The following YY1 variants were observed in gnomAD, a reference collection of about 807,000 sequenced individuals.
YY1 encodes transcriptional repressor protein YY1.
Under a neutral mutation model 35.6 loss-of-function variants are expected in YY1, and 2 were observed. That is an observed-to-expected ratio of 0.06 (90% CI 0.02 to 0.18). The LOEUF is 0.18. Among genes scored for constraint, YY1 ranks in the 10% least tolerant of loss-of-function variants. The probability of loss-of-function intolerance (pLI) is 1.00; values close to 1 mark genes in which losing one functional copy is unlikely to be tolerated. For missense variants in YY1, 322 were observed against 573.4 expected (o/e 0.56, Z 4.48); for synonymous variants, 268 against 238.9 (o/e 1.12, Z -1.12).
chr14:100,242,970 T>A (rs1179018313), intron 1 of YY1, among the ~76,000 whole-genome samples: 1 of 152,186 alleles, frequency 6.6e-6, no homozygotes, highest in Non-Finnish European at 1.5e-5. Flanking sequence ...GAGTACGCTG[T>A]GCATAAGGGT....
intron 1 of YY1, among the ~76,000 whole-genome samples, chr14:100,247,339 A>G (rs1890848390): frequency 6.7e-6 from 1 of 149,848 alleles, no homozygotes; most frequent in Non-Finnish European, 1.5e-5. Flanking sequence ...TGCTCTTACT[A>G]CTTCCAATAG....
At chr14:100,253,469 G>A (rs1220935490) in intron 1 of YY1, among the ~76,000 whole-genome samples, 3 of 152,214 alleles carry the variant, frequency 2.0e-5, no homozygotes, top group Non-Finnish European at 4.4e-5. Flanking sequence ...CCAGCCTGGA[G>A]TGCAGTGGCG....
intron 1 of YY1, among the ~76,000 whole-genome samples, chr14:100,260,014 AT>A (rs145015945): frequency 6.6e-6 from 1 of 152,182 alleles, no homozygotes; most frequent in South Asian, 2.1e-4. Context: ...TACTACAGTC[AT>A]TTAGGTTTGA....
chr14:100,243,402 C>T (rs930046454), intron 1 of YY1, among the ~76,000 whole-genome samples: 1 of 152,118 alleles, frequency 6.6e-6, no homozygotes, highest in African/African-American at 2.4e-5. Flanking sequence ...TTGCATAAGC[C>T]CCAAGCTGAG....
chr14:100,259,717 A>G (rs1012180814), intron 1 of YY1, among the ~76,000 whole-genome samples: 1 of 152,182 alleles, frequency 6.6e-6, no homozygotes, highest in African/African-American at 2.4e-5. Context: ...AGAGAGAGCA[A>G]AACTCACACT....
In YY1 at chr14:100,278,592, T is replaced by G. The variant is rs914375879; in HGVS notation, c.*992T>G. On this transcript the variant is annotated 3_prime_UTR_variant, in exon 5 of 5. Transcript: ENST00000262238. ...TAAAGCAACTCAAGTTTCCTTTATT[T>G]TGCACTCAATTACAGTGATTATTGA... is the stretch of plus-strand genomic sequence containing the variant. The G allele has an allele frequency of 1.3e-5, 2 of 152,260 alleles. No homozygotes were observed. Among genetic ancestry groups the G allele is most frequent in the Non-Finnish European group, 2.9e-5 (2 of 68,040 alleles). The allele number at this position is 152,260 out of a possible 1,614,324, so 9.4% of individuals were successfully genotyped here.
chr14:100,248,401 C>T (rs1890868536), intron 1 of YY1, among the ~76,000 whole-genome samples: 2 of 152,086 alleles, frequency 1.3e-5, no homozygotes, highest in South Asian at 4.1e-4. Flanking sequence ...GGATTATAGG[C>T]ATGAGCTACT....
rs1891438834 is a variant in YY1 at position 100,281,878 on chromosome 14, G to T, written c.*4278G>T. 6.6e-6 allele frequency: 1 copy of T among 152,212 alleles called. No individual in the cohort carries two copies. Among genetic ancestry groups the T allele is most frequent in the Non-Finnish European group, 1.5e-5 (1 of 68,084 alleles). The allele number at this position is 152,212 out of a possible 1,614,324, so 9.4% of individuals were successfully genotyped here. A position where few individuals can be genotyped will look rare whatever the true frequency, so the allele number is the denominator to read the frequency against. ...CTGACCCACAAGAGGGCAGATTTGT[G>T]GCCAAGAGGCTTCCTGGCATCCACC... is the stretch of plus-strand genomic sequence containing the variant. On this transcript the variant is annotated 3_prime_UTR_variant, in exon 5 of 5. Coordinates refer to ENST00000262238, the MANE Select transcript of YY1 (RefSeq NM_003403.5).
At position 100,239,941 on chromosome 14, in the gene YY1, G is replaced by GC; in HGVS notation, c.679+22dup. ...GTCCTCAGGTGAGCGCCGGCCGCGC[G>GC]CCCCGGCCCCGGGATGTTTTTGTTT... On this transcript the variant is annotated intron_variant, in intron 1 of 4. Coordinates refer to ENST00000262238, the MANE Select transcript of YY1 (RefSeq NM_003403.5). 6.6e-7 allele frequency: 1 copy of GC among 1,513,962 alleles called. No homozygotes were observed. 93.8% of individuals were successfully genotyped at this position (1,513,962 alleles called of 1,614,324 possible). A position where few individuals can be genotyped will look rare whatever the true frequency, so the allele number is the denominator to read the frequency against.
chr14:100,240,491 C>T (rs903784967), intron 1 of YY1, among the ~76,000 whole-genome samples: 1 of 151,268 alleles, frequency 6.6e-6, no homozygotes, highest in Non-Finnish European at 1.5e-5. Context: ...AACTGCTCCC[C>T]GGTGGCACCT....
chr14:100,241,567 A>G (rs769555099), intron 1 of YY1, among the ~76,000 whole-genome samples: 15 of 152,244 alleles, frequency 9.9e-5, no homozygotes, highest in Non-Finnish European at 2.1e-4. Context: ...TGAGTTTAGC[A>G]GAAACTATGT....
In YY1 at chr14:100,271,631, G is replaced by A. The variant is rs926594577; in HGVS notation, c.843-3067G>A. ...AATACGAAATTTGAAATTCATTTGT[G>A]TTTCATTACACCTTATACACATAGC... is the stretch of plus-strand genomic sequence containing the variant. On this transcript the variant is annotated intron_variant, in intron 2 of 4. Transcript: ENST00000262238. Among the ~76,000 whole-genome samples the A allele has an allele frequency of 2.0e-5, 3 of 151,194 alleles. No individual in the cohort carries two copies. The East Asian group carries it at 5.8e-4, about 29-fold the overall frequency.
chr14:100,276,627 T>C lies in YY1; in HGVS notation c.1041T>C (p.His347=), dbSNP rs760669870. Residue 347 remains histidine (H), a synonymous_variant, in exon 4 of 5, where the codon CAT becomes CAC. Coordinates refer to ENST00000262238, the MANE Select transcript of YY1 (RefSeq NM_003403.5). This position sits in a 1 kb window ranked among gnomAD's most constrained non-coding sequence, Gnocchi z 4.1. ...AACTAAAACGACACCAACTGGTTCA[T>C]ACTGGAGAGAAGCCCTTTCAGGTAG... ...SSKLKRHQLV[H]TGEKPFQCTF... is the part of the protein sequence containing the mutation. The C allele has an allele frequency of 1.1e-5, 17 of 1,614,130 alleles. No homozygotes were observed. The highest frequency in any genetic ancestry group is 2.7e-5 in the African/African-American group (2 of 74,948).
intron 1 of YY1, among the ~76,000 whole-genome samples, chr14:100,261,463 A>G (rs1268429248): frequency 6.6e-6 from 1 of 152,192 alleles, no homozygotes; most frequent in Non-Finnish European, 1.5e-5. Context: ...TGCTGGGATT[A>G]TAGGCATGAA....
chr14:100,246,307 G>C (rs770122552), intron 1 of YY1, among the ~76,000 whole-genome samples: 1 of 152,190 alleles, frequency 6.6e-6, no homozygotes, highest in Non-Finnish European at 1.5e-5. Context: ...ATTCTGTCCC[G>C]TGCCAGTCAG....
At chr14:100,260,218 A>T (rs1196626783) in intron 1 of YY1, among the ~76,000 whole-genome samples, 1 of 151,936 alleles carries the variant, frequency 6.6e-6, no homozygotes, top group Non-Finnish European at 1.5e-5. Flanking sequence ...CTGGGCTTAC[A>T]GGCGCCCGCC....
intron 1 of YY1, among the ~76,000 whole-genome samples, chr14:100,242,173 C>T (rs1890756869): frequency 1.3e-5 from 2 of 152,232 alleles, no homozygotes; most frequent in Non-Finnish European, 1.5e-5. Context: ...CATATTTTTA[C>T]ATGATCTGCA....
At chr14:100,247,435 A>G (rs1890850521) in intron 1 of YY1, among the ~76,000 whole-genome samples, 1 of 147,684 alleles carries the variant, frequency 6.8e-6, no homozygotes, top group Non-Finnish European at 1.5e-5. Flanking sequence ...AGTCGGGAGT[A>G]CAGTGGCACA....
At chr14:100,244,100 TC>T (rs964075142) in intron 1 of YY1, among the ~76,000 whole-genome samples, 1 of 140,020 alleles carries the variant, frequency 7.1e-6, no homozygotes, top group African/African-American at 2.7e-5. Flanking sequence ...AGAGCAAGAC[TC>T]CGTCTCCAAA....
Sources: gnomAD v4.1 joint callset for allele counts (sites outside exome capture counted in the v4.1 genomes callset) on GRCh38, gnomAD v4.1.1 for gene constraint, Gnocchi (gnomAD v3.1) non-coding constraint, MANE v1.5 for transcripts, NCBI Gene and HGNC (gene_info 2026-07-23, HGNC 2026-07-21) for gene names.